PIBF1: variants seen among roughly 807,000 people sequenced by gnomAD.
PIBF1 encodes the protein progesterone-induced-blocking factor 1.
A neutral mutation model predicts 112.5 loss-of-function variants in PIBF1; 90 were observed. The observed-to-expected ratio is 0.80, with a 90% CI of 0.67 to 0.95. The LOEUF (loss-of-function observed/expected upper bound fraction) is 0.95. Ranked by LOEUF, PIBF1 falls within the 40% of genes least tolerant of loss-of-function variation. The pLI, the probability that PIBF1 is intolerant of heterozygous loss-of-function variation, is 0.00. For missense variants in PIBF1, 915 were observed against 852.3 expected, an observed-to-expected ratio of 1.07 and a Z score of -0.92; for synonymous variants, 301 against 288.6, an observed-to-expected ratio of 1.04 and a Z score of -0.44.
At chr13:73,014,725 C>G (rs1442483627) in intron 17 of PIBF1, among the ~76,000 whole-genome samples, 5 of 151,626 alleles carry the variant, frequency 3.3e-5, no homozygotes, top group Non-Finnish European at 7.4e-5. Flanking sequence ...CAGTCTTGCT[C>G]TGTTGTCCAG....
At chr13:72,975,807 C>A (rs182735908) in intron 16 of PIBF1, among the ~76,000 whole-genome samples, 2 of 152,314 alleles carry the variant, frequency 1.3e-5, no homozygotes, top group East Asian at 3.9e-4. Flanking sequence ...ATTGTTTCTT[C>A]ACTGTGGAAA....
chr13:72,881,814 C>G (rs1307862089), intron 10 of PIBF1, among the ~76,000 whole-genome samples: 1 of 151,842 alleles, frequency 6.6e-6, no homozygotes, highest in Non-Finnish European at 1.5e-5. Context: ...AAGATATATT[C>G]CATGTTCATG....
intron 9 of PIBF1, among the ~76,000 whole-genome samples, chr13:72,839,092 A>G (rs2037490371): frequency 6.6e-6 from 1 of 152,234 alleles, no homozygotes; most frequent in Admixed American, 6.5e-5. Flanking sequence ...TTTATATCAA[A>G]AGATCACTGT....
intron 10 of PIBF1, among the ~76,000 whole-genome samples, chr13:72,858,023 T>TTGCTTTTTTTGTG (rs71099760): frequency 8.5e-5 from 12 of 141,312 alleles, no homozygotes; most frequent in African/African-American, 2.4e-4. Flanking sequence ...CAAATGTACA[T>TTGCTTTTTTTGTG]TGTGTGTGTG....
chr13:72,844,728 TACACACACAC>T (rs1156334355), intron 9 of PIBF1, among the ~76,000 whole-genome samples: 1,357 of 53,156 alleles, frequency 0.026, 33 homozygotes, highest in Admixed American at 0.038. Context: ...TAATTTTATT[TACACACACAC>T]ACACACACAC....
At chr13:72,845,179 C>T (rs2037814168) in intron 9 of PIBF1, among the ~76,000 whole-genome samples, 1 of 151,794 alleles carries the variant, frequency 6.6e-6, no homozygotes, top group Non-Finnish European at 1.5e-5. Context: ...GTGTTGTTCC[C>T]CTCCCTGTTT....
chr13:72,889,681 A>G (rs1460659484), intron 10 of PIBF1, among the ~76,000 whole-genome samples: 1 of 152,084 alleles, frequency 6.6e-6, no homozygotes, highest in Non-Finnish European at 1.5e-5. Context: ...TTATCTGTAC[A>G]CAGTTGTCCT....
intron 5 of PIBF1, among the ~76,000 whole-genome samples, chr13:72,814,887 A>G (rs927993499): frequency 1.3e-5 from 2 of 152,214 alleles, no homozygotes; most frequent in African/African-American, 4.8e-5. Context: ...ACAAAAAGGA[A>G]AGTGAACTGT....
At chr13:72,927,515 TAAAATA>T (rs1389728540) in intron 13 of PIBF1, among the ~76,000 whole-genome samples, 83 of 151,972 alleles carry the variant, frequency 5.5e-4, no homozygotes, top group Admixed American at 1.0e-3. Flanking sequence ...AAATAAAAAT[TAAAATA>T]AAAAAAAGAT....
At chr13:73,000,716 T>C (rs1464695896) in intron 17 of PIBF1, among the ~76,000 whole-genome samples, 1 of 152,218 alleles carries the variant, frequency 6.6e-6, no homozygotes, top group East Asian at 1.9e-4. Flanking sequence ...CTCCAGGCAG[T>C]GGCACTATTC....
chr13:72,994,809 G>T (rs1329049572), intron 16 of PIBF1, among the ~76,000 whole-genome samples: 1 of 152,160 alleles, frequency 6.6e-6, no homozygotes, highest in Non-Finnish European at 1.5e-5. Context: ...TCTTCGTAGT[G>T]ACAAAAATGT....
chr13:72,927,949 A>T (rs990087876), intron 13 of PIBF1, among the ~76,000 whole-genome samples: 10 of 72,368 alleles, frequency 1.4e-4, no homozygotes, highest in Non-Finnish European at 2.3e-4. Context: ...ATGTGTGTAT[A>T]TATATATATA....
At chr13:72,857,992 C>T (rs1179353753) in intron 10 of PIBF1, among the ~76,000 whole-genome samples, 3 of 145,218 alleles carry the variant, frequency 2.1e-5, no homozygotes, top group Non-Finnish European at 3.0e-5. Context: ...AAGAGTAATT[C>T]GATAATACCT....
At chr13:72,937,867 A>G (rs1566470093) in intron 14 of PIBF1, among the ~76,000 whole-genome samples, 1 of 152,154 alleles carries the variant, frequency 6.6e-6, no homozygotes, top group African/African-American at 2.4e-5. Flanking sequence ...AAAGAGATAT[A>G]ATAATATGAG....
At chr13:72,873,750 G>A (rs575056009) in intron 10 of PIBF1, among the ~76,000 whole-genome samples, 2 of 140,844 alleles carry the variant, frequency 1.4e-5, no homozygotes, top group East Asian at 2.2e-4. Flanking sequence ...AGAAAAACTC[G>A]TTAAATTGGA....
intron 14 of PIBF1, among the ~76,000 whole-genome samples, chr13:72,942,857 C>T (rs756818974): frequency 2.0e-5 from 3 of 151,870 alleles, no homozygotes; most frequent in Non-Finnish European, 4.4e-5. Flanking sequence ...AAAAATCATC[C>T]GGGTGTGGTG....
intron 10 of PIBF1, among the ~76,000 whole-genome samples, chr13:72,892,208 T>C (rs909033350): frequency 1.3e-5 from 2 of 152,154 alleles, no homozygotes; most frequent in African/African-American, 4.8e-5. Context: ...TCAGTGTTTG[T>C]TTTTCTATAT....
intron 9 of PIBF1, among the ~76,000 whole-genome samples, chr13:72,844,581 T>C (rs909247254): frequency 1.3e-5 from 2 of 152,052 alleles, no homozygotes; most frequent in Non-Finnish European, 2.9e-5. Context: ...AGTGAGAACA[T>C]TCAGTGTTTC....
chr13:72,850,185 A>G (rs2038067170), intron 9 of PIBF1, among the ~76,000 whole-genome samples: 2 of 152,208 alleles, frequency 1.3e-5, no homozygotes, highest in Non-Finnish European at 2.9e-5. Context: ...AATGTTACCC[A>G]CAAACACCTG....
Sources: gnomAD v4.1 joint callset for allele counts (sites outside exome capture counted in the v4.1 genomes callset) on GRCh38, gnomAD v4.1.1 for gene constraint, MANE v1.5 for transcripts, NCBI Gene and HGNC (gene_info 2026-07-23, HGNC 2026-07-21) for gene names.